Variants in CHIC1 observed in about 807,000 individuals in gnomAD.
CHIC1 encodes the protein cysteine rich hydrophobic domain 1, also known as cysteine-rich hydrophobic domain-containing protein 1.
Under a neutral mutation model 18.5 loss-of-function variants are expected in CHIC1, and 7 were observed. That is an observed-to-expected ratio of 0.38 (90% CI 0.22 to 0.71). CHIC1 has a LOEUF of 0.71. Ranked by LOEUF, CHIC1 falls within the 30% of genes least tolerant of loss-of-function variation. The pLI, the probability that CHIC1 is intolerant of heterozygous loss-of-function variation, is 0.49. For missense variants in CHIC1, 159 were observed against 176.9 expected (o/e 0.90, Z 0.57); for synonymous variants, 77 against 73.5 (o/e 1.05, Z -0.25).
At chrX:73,582,105 G>A (rs1185563685) in intron 2 of CHIC1, among the ~76,000 whole-genome samples, 1 of 107,533 alleles carries the variant, frequency 9.3e-6, no homozygotes, top group Non-Finnish European at 1.9e-5. Context: ...TGCACCTTTT[G>A]GTTTTATTTT....
At chrX:73,567,659 A>G (rs890067416) in intron 1 of CHIC1, among the ~76,000 whole-genome samples, 5 of 111,134 alleles carry the variant, frequency 4.5e-5, no homozygotes, top group Non-Finnish European at 9.4e-5. Flanking sequence ...CCTACTTAAG[A>G]TTATCTTGTG....
intron 3 of CHIC1, 120 bp downstream of exon 3, chrX:73,584,692 A>G (rs1185172965): frequency 3.3e-5 from 17 of 513,994 alleles, no homozygotes; most frequent in Admixed American, 9.0e-5. Context: ...TAACAATGCT[A>G]TCTTTATTTT....
At chrX:73,633,776 C>T (rs944411642) in intron 3 of CHIC1, among the ~76,000 whole-genome samples, 1 of 109,857 alleles carries the variant, frequency 9.1e-6, no homozygotes, top group Non-Finnish European at 1.9e-5. Context: ...AATGATCTGT[C>T]TTTGAGGATG....
In CHIC1 at chrX:73,639,185, C is replaced by T. The variant is rs904504986; in HGVS notation, c.508-40141C>T. 1.9e-4 allele frequency among the ~76,000 whole-genome samples: 21 copies of T among 111,026 alleles called. No homozygotes were observed. In the Admixed American group the frequency reaches 2.0e-3, roughly 11 times the overall value. On this transcript the variant is annotated intron_variant, in intron 3 of 5. Coordinates refer to ENST00000373502, the MANE Select transcript of CHIC1 (RefSeq NM_001039840.4). ...CTTTTCTATGCAACCTCAACAGCAC[C>T]TCTCATTTTTTGACCTTTTAATAAT...
In CHIC1 at chrX:73,629,537, A is replaced by G. The variant is rs1033782847; in HGVS notation, c.507+44965A>G. On this transcript the variant is annotated intron_variant, in intron 3 of 5. Transcript: ENST00000373502. Reference sequence around the variant, plus strand: ...TTTGCAAATGGATATACAGTTCCCCAACACCATGTATTGAAAAGATTATCC... The same window carrying G: ...TTTGCAAATGGATATACAGTTCCCCGACACCATGTATTGAAAAGATTATCC... 4.5e-5 allele frequency among the ~76,000 whole-genome samples: 5 copies of G among 112,190 alleles called. No homozygotes were observed. In the East Asian group the frequency reaches 8.4e-4, roughly 19 times the overall value.
intron 3 of CHIC1, among the ~76,000 whole-genome samples, chrX:73,616,654 G>A (rs3121090): frequency 1.8e-5 from 2 of 110,010 alleles, no homozygotes; most frequent in Non-Finnish European, 3.8e-5. Context: ...TCTTGTGCAC[G>A]CACAGGATCA....
At chrX:73,641,516 T>A (rs921205885) in intron 3 of CHIC1, among the ~76,000 whole-genome samples, 4 of 111,326 alleles carry the variant, frequency 3.6e-5, no homozygotes, top group African/African-American at 1.3e-4. Flanking sequence ...TCAATTTTTT[T>A]AAATTTCATT....
chrX:73,656,054 A>C (rs2057947488), intron 3 of CHIC1, among the ~76,000 whole-genome samples: 1 of 111,734 alleles, frequency 8.9e-6, no homozygotes, highest in African/African-American at 3.3e-5. Context: ...CATTACTCTA[A>C]TGATCAGTGA....
At chrX:73,630,470 ATGTTCTTTC>A (rs1373757651) in intron 3 of CHIC1, among the ~76,000 whole-genome samples, 1 of 111,340 alleles carries the variant, frequency 9.0e-6, no homozygotes, top group Non-Finnish European at 1.9e-5. Flanking sequence ...AATTTTGTTA[ATGTTCTTTC>A]TGTACATATT....
intron 3 of CHIC1, among the ~76,000 whole-genome samples, chrX:73,656,368 G>C (rs1394722345): frequency 2.7e-5 from 3 of 111,679 alleles, no homozygotes; most frequent in African/African-American, 9.8e-5. Flanking sequence ...ATCGTGAAAT[G>C]TTTGTTCCTG....
chrX:73,606,916 G>A (rs139253376), intron 3 of CHIC1, among the ~76,000 whole-genome samples: 3,330 of 108,727 alleles, frequency 0.031, 84 homozygotes, highest in Non-Finnish European at 0.046. Flanking sequence ...GGTATCTCTT[G>A]ACTACTCCTG....
intron 3 of CHIC1, among the ~76,000 whole-genome samples, chrX:73,636,077 G>A (rs952130992): frequency 9.0e-6 from 1 of 111,590 alleles, no homozygotes; most frequent in Non-Finnish European, 1.9e-5. Flanking sequence ...TGTATTCTTA[G>A]CTGCTACATT....
chrX:73,677,114 C>T (rs1012613690), intron 3 of CHIC1, among the ~76,000 whole-genome samples: 2 of 111,346 alleles, frequency 1.8e-5, no homozygotes, highest in African/African-American at 6.5e-5. Context: ...GAGGAGTACC[C>T]GGCCCTGTGA....
chrX:73,616,928 ATTTGGCTCC>A (rs1213734772), intron 3 of CHIC1, among the ~76,000 whole-genome samples: 1 of 112,206 alleles, frequency 8.9e-6, no homozygotes, highest in Admixed American at 9.4e-5. Context: ...GGCAATTCAC[ATTTGGCTCC>A]TTTTTACTTA....
At chrX:73,574,450 T>G (rs750723604) in intron 1 of CHIC1, among the ~76,000 whole-genome samples, 1 of 111,005 alleles carries the variant, frequency 9.0e-6, no homozygotes, top group African/African-American at 3.3e-5. Context: ...ATAGGATGAG[T>G]TGGGAAAGAG....
rs1204773237 is a variant in CHIC1, at chrX:73,684,183, A to C, written c.*3178A>C. 1.8e-5 allele frequency: 2 copies of C among 111,014 alleles called. No individual in the cohort carries two copies. The highest frequency in any genetic ancestry group is 3.8e-5 in the Non-Finnish European group (2 of 52,713). The allele number at this position is 111,014 out of a possible 1,213,427, so 9.1% of individuals were successfully genotyped here. A position where few individuals can be genotyped will look rare whatever the true frequency, so the allele number is the denominator to read the frequency against. ...TAGTGACAAAATATTACAGAACCGG[A>C]CTATCAGTCACTTAAAAAAACAGTA... On this transcript the variant is annotated 3_prime_UTR_variant, in exon 6 of 6. Coordinates refer to ENST00000373502, the MANE Select transcript of CHIC1 (RefSeq NM_001039840.4).
rs2058103742 is a variant in CHIC1, at chrX:73,682,646, A to G, written c.*1641A>G. On this transcript the variant is annotated 3_prime_UTR_variant, in exon 6 of 6. Coordinates refer to ENST00000373502, the MANE Select transcript of CHIC1 (RefSeq NM_001039840.4). ...AGAAGACACTATTTTATATGTGATT[A>G]TAATTGTTTGCACAAACACTTTTCC... 1 of 112,064 alleles carries G rather than the reference A, an allele frequency of 8.9e-6. No homozygotes were observed. Among genetic ancestry groups the G allele is most frequent in the African/African-American group, 3.2e-5 (1 of 30,906 alleles). 9.2% of individuals were successfully genotyped at this position (112,064 alleles called of 1,213,427 possible).
intron 1 of CHIC1, among the ~76,000 whole-genome samples, chrX:73,567,866 C>T (rs1361777343): frequency 9.1e-6 from 1 of 109,422 alleles, no homozygotes; most frequent in Non-Finnish European, 1.9e-5. Flanking sequence ...CTAATATTCA[C>T]CTCCCGTTTC....
Position 73,684,833 on chromosome X carries a change from G to T in CHIC1, c.*3828G>T, listed in dbSNP as rs1305000802. ...TAAAACAATTGATATATATCTGTAT[G>T]TAAAAATGAATGATCTTATCTTGCC... On this transcript the variant is annotated 3_prime_UTR_variant, in exon 6 of 6. Coordinates refer to ENST00000373502, the MANE Select transcript of CHIC1 (RefSeq NM_001039840.4). 1 of 111,327 alleles carries T rather than the reference G, an allele frequency of 9.0e-6. No individual in the cohort carries two copies. Among genetic ancestry groups the T allele is most frequent in the East Asian group, 2.8e-4 (1 of 3,527 alleles). 9.2% of individuals were successfully genotyped at this position (111,327 alleles called of 1,213,427 possible). A position where few individuals can be genotyped will look rare whatever the true frequency, so the allele number is the denominator to read the frequency against.
Sources: gnomAD v4.1 joint callset for allele counts (sites outside exome capture counted in the v4.1 genomes callset) on GRCh38, gnomAD v4.1.1 for gene constraint, MANE v1.5 for transcripts, NCBI Gene and HGNC (gene_info 2026-07-23, HGNC 2026-07-21) for gene names.